CFAP54: variants seen among roughly 807,000 people sequenced by gnomAD.
The protein encoded by CFAP54 is cilia and flagella associated protein 54.
Under a neutral mutation model 370.4 loss-of-function variants are expected in CFAP54, and 290 were observed. That is an observed-to-expected ratio of 0.78 (90% CI 0.71 to 0.86). CFAP54 has a LOEUF of 0.86. CFAP54 is among the 40% of genes least tolerant of loss of function. The pLI, the probability that CFAP54 is intolerant of heterozygous loss-of-function variation, is 0.00. For synonymous variants in CFAP54, 1,206 were observed against 1,236.5 expected (o/e 0.98, Z 0.52); for missense variants, 3,399 against 3,528.7 (o/e 0.96, Z 0.93).
intron 22 of CFAP54, among the ~76,000 whole-genome samples, chr12:96,583,565 C>T (rs1214630470): frequency 6.6e-6 from 1 of 152,174 alleles, no homozygotes; most frequent in Non-Finnish European, 1.5e-5. Flanking sequence ...TATTATTCCA[C>T]TTATTATAAT....
intron 60 of CFAP54, among the ~76,000 whole-genome samples, chr12:96,769,986 G>A (rs1303524085): frequency 6.6e-6 from 1 of 152,152 alleles, no homozygotes; most frequent in Non-Finnish European, 1.5e-5. Context: ...CCTTGCACCT[G>A]GTGCAGAGAT....
At chr12:96,840,211 A>AT (rs1959202996) in intron 66 of CFAP54, among the ~76,000 whole-genome samples, 3 of 152,294 alleles carry the variant, frequency 2.0e-5, no homozygotes, top group Admixed American at 1.3e-4. Context: ...TGCTTAGGCA[A>AT]TTTTTTAGTG....
At chr12:96,759,315 A>G (rs1592746384) in intron 58 of CFAP54, among the ~76,000 whole-genome samples, 2 of 151,950 alleles carry the variant, frequency 1.3e-5, no homozygotes, top group Admixed American at 6.6e-5. Flanking sequence ...CCTTGTTTTT[A>G]TAGCAGGTGG....
At chr12:96,802,279 G>T (rs1028072473) in intron 63 of CFAP54, among the ~76,000 whole-genome samples, 4 of 152,108 alleles carry the variant, frequency 2.6e-5, no homozygotes, top group African/African-American at 7.2e-5. Context: ...TCCTGAGGGG[G>T]ACACCACCCC....
intron 14 of CFAP54, among the ~76,000 whole-genome samples, chr12:96,546,839 A>AC (rs1491587932): frequency 2.0e-5 from 3 of 150,810 alleles, no homozygotes; most frequent in Admixed American, 6.6e-5. Context: ...AAAAAAAAAA[A>AC]CAACTCTATT....
intron 66 of CFAP54, among the ~76,000 whole-genome samples, chr12:96,842,675 T>C (rs556175781): frequency 3.2e-4 from 49 of 152,290 alleles, no homozygotes; most frequent in African/African-American, 1.1e-3. Flanking sequence ...TTGTGCGGTA[T>C]CTAGCACACA....
chr12:96,863,237 A>G (rs1959922075), intron 67 of CFAP54, among the ~76,000 whole-genome samples: 1 of 152,062 alleles, frequency 6.6e-6, no homozygotes, highest in East Asian at 1.9e-4. Flanking sequence ...TTCTAAAAAA[A>G]GGAGGGAGGC....
At chr12:96,750,041 G>A (rs962601175) in intron 55 of CFAP54, among the ~76,000 whole-genome samples, 2 of 152,212 alleles carry the variant, frequency 1.3e-5, no homozygotes, top group East Asian at 3.8e-4. Context: ...TTTCAGGAGT[G>A]AAGAGGACTC....
Position 96,594,382 on chromosome 12 carries a change from C to T in CFAP54, c.3452C>T (p.Thr1151Ile). The change falls in exon 25 of 68, where the codon ACT (threonine) becomes ATT (isoleucine). Residue 1151 changes from threonine to isoleucine, a missense_variant. This residue lies in a region of CFAP54 where 2,796 missense variants were observed against 2,869.7 expected (regional missense o/e 0.97). Transcript: ENST00000524981. ...NDSSYALQAV[T>I]QCYGLLAPII... is the part of the protein sequence containing the mutation. Reference sequence around the variant, plus strand: ...TCCAGCTATGCCCTTCAAGCTGTGACTCAATGTTATGGACTTCTTGCTCCC... The same window carrying T: ...TCCAGCTATGCCCTTCAAGCTGTGATTCAATGTTATGGACTTCTTGCTCCC... The T allele has an allele frequency of 2.6e-6, 4 of 1,534,596 alleles. No homozygotes were observed. The highest frequency in any genetic ancestry group is 3.5e-6 in the Non-Finnish European group (4 of 1,145,720).
intron 15 of CFAP54, among the ~76,000 whole-genome samples, chr12:96,551,485 A>ATGGG (rs1955693754): frequency 7.0e-6 from 1 of 143,776 alleles, no homozygotes; most frequent in Non-Finnish European, 1.5e-5. Context: ...TTGAATGGGT[A>ATGGG]TGTGTGTGTG....
At position 96,554,769 on chromosome 12, in the gene CFAP54, C is replaced by T. The variant is rs918276305; in HGVS notation, c.2377C>T (p.Arg793Ter). 10 of 1,534,520 alleles carry T rather than the reference C, an allele frequency of 6.5e-6. No individual in the cohort carries two copies. Among genetic ancestry groups the T allele is most frequent in the African/African-American group, 2.7e-5 (2 of 72,988 alleles). Residue 793 changes from arginine (R) to a stop codon, truncating the protein, a stop_gained, in exon 17 of 68, where the codon CGA (arginine) becomes TGA (stop). Coordinates refer to ENST00000524981, the MANE Select transcript of CFAP54 (RefSeq NM_001306084.2). LOFTEE classifies it high-confidence loss of function. ...TCTTGAACTAATTCAAGCTCAGCATCGAATAGCTGTTGTGCTTCTGGACAA... is the reference window on the plus strand; with the variant it reads ...TCTTGAACTAATTCAAGCTCAGCATTGAATAGCTGTTGTGCTTCTGGACAA... ...LHLELIQAQH[R>*]IAVVLLDKLQ...
Position 96,806,210 on chromosome 12 carries a change from ATAT to A in CFAP54, c.8851-5525_8851-5523del, listed in dbSNP as rs1565984955. On this transcript the variant is annotated intron_variant, in intron 63 of 67. Coordinates refer to ENST00000524981, the MANE Select transcript of CFAP54 (RefSeq NM_001306084.2). ...TATATATATATATATATATATATAT[ATAT>A]AATAACAACATAAAAAGAAAGTTGG... 6.9e-3 allele frequency among the ~76,000 whole-genome samples: 586 copies of A among 84,836 alleles called. 24 individuals are homozygous for A. Among genetic ancestry groups the A allele is most frequent in the African/African-American group, 9.5e-3 (203 of 21,472 alleles). 55.7% of individuals were successfully genotyped at this position (84,836 alleles called of 152,430 possible).
At chr12:96,558,664 G>T (rs957857613) in intron 17 of CFAP54, among the ~76,000 whole-genome samples, 2 of 151,956 alleles carry the variant, frequency 1.3e-5, no homozygotes, top group African/African-American at 2.4e-5. Flanking sequence ...GGGAAAACTG[G>T]ATATTCATAT....
chr12:96,521,887 G>A lies in CFAP54; in HGVS notation c.973G>A (p.Asp325Asn). 6.5e-7 allele frequency: 1 copy of A among 1,531,274 alleles called. No individual in the cohort carries two copies. Among genetic ancestry groups the A allele is most frequent in the East Asian group, 2.5e-5 (1 of 40,774 alleles). The allele number at this position is 1,531,274 out of a possible 1,614,324, so 94.9% of individuals were successfully genotyped here. The change falls in exon 7 of 68, where the codon GAT becomes AAT. Residue 325 changes from aspartate to asparagine, a missense_variant. Physicochemically the swap from Asp to Asn is conservative, Grantham distance 23 (BLOSUM62 1). This residue lies in a region of CFAP54 where 559 missense variants were observed against 576.7 expected (regional missense o/e 0.97). Transcript: ENST00000524981. ...TGCTCGGCGTGCTTTGGCTAAAATT[G>A]ATGAGTTAAGGCAACTGGAATTAAT... ...AFARRALAKI[D>N]ELRQLELMSS...
chr12:96,542,599 CT>C (rs747340585), intron 14 of CFAP54, among the ~76,000 whole-genome samples: 37 of 152,178 alleles, frequency 2.4e-4, no homozygotes, highest in Non-Finnish European at 5.0e-4. Flanking sequence ...ACGTTTCCCC[CT>C]CTCCGAGTAT....
At chr12:96,612,084 A>C (rs1476002563) in intron 26 of CFAP54, among the ~76,000 whole-genome samples, 1 of 152,220 alleles carries the variant, frequency 6.6e-6, no homozygotes, top group Non-Finnish European at 1.5e-5. Flanking sequence ...TCCAAGACAC[A>C]TAATGGTCAG....
intron 66 of CFAP54, among the ~76,000 whole-genome samples, chr12:96,849,436 A>G (rs763500542): frequency 2.4e-4 from 36 of 152,202 alleles, no homozygotes; most frequent in Non-Finnish European, 4.3e-4. Context: ...AACGCTTAGA[A>G]TTGATGAAAA....
Position 96,592,627 on chromosome 12 carries a change from C to T in CFAP54, c.3350C>T (p.Pro1117Leu). 1 of 1,161,168 alleles carries T rather than the reference C, an allele frequency of 8.6e-7. No homozygotes were observed. The highest frequency in any genetic ancestry group is 2.9e-5 in the East Asian group (1 of 34,198). 71.9% of individuals were successfully genotyped at this position (1,161,168 alleles called of 1,614,324 possible). ...AATATTAAAGGCAATGAGATTTTCC[C>T]ATCTCAACAAGTAAGTGAATTAAAG... ...CDNIKGNEIF[P>L]SQQIARLIEC... The change falls in exon 24 of 68, where the codon CCA becomes CTA. Residue 1117 changes from proline to leucine, a missense_variant. Pro to Leu is a moderately conservative substitution (Grantham distance 98). Coordinates refer to ENST00000524981, the MANE Select transcript of CFAP54 (RefSeq NM_001306084.2).
chr12:96,605,132 T>C (rs1956287275), intron 26 of CFAP54, among the ~76,000 whole-genome samples: 1 of 151,934 alleles, frequency 6.6e-6, no homozygotes, highest in Non-Finnish European at 1.5e-5. Context: ...TTGTATATTT[T>C]ATAAGCATTA....
Sources: allele counts gnomAD v4.1 joint callset (sites outside exome capture counted in the v4.1 genomes callset), GRCh38; gene constraint gnomAD v4.1.1; regional missense constraint gnomAD v4.1.1; transcripts MANE v1.5; gene names NCBI Gene and HGNC (gene_info 2026-07-23, HGNC 2026-07-21).